The following AKR1A1 variants were observed in gnomAD, a reference collection of about 807,000 sequenced individuals.
AKR1A1 encodes the protein aldo-keto reductase family 1 member A1.
In AKR1A1, 26 loss-of-function variants were observed where a neutral mutation model predicts 39.2. That is an observed-to-expected ratio of 0.66 (90% CI 0.49 to 0.92). AKR1A1 has a LOEUF of 0.92. AKR1A1 is among the 40% of genes least tolerant of loss of function. The pLI is 0.00. For synonymous variants in AKR1A1, 141 were observed against 155.5 expected, an observed-to-expected ratio of 0.91 and a Z score of 0.69; for missense variants, 378 against 406.5, an observed-to-expected ratio of 0.93 and a Z score of 0.60.
chr1:45,561,254 A>G (rs1644273377), intron 1 of AKR1A1, among the ~76,000 whole-genome samples: 1 of 152,200 alleles, frequency 6.6e-6, no homozygotes, highest in Admixed American at 6.5e-5. Context: ...AGCCTGCCAC[A>G]GAGAAGGGCA....
intron 4 of AKR1A1, 102 bp from the exon 5 acceptor site, chr1:45,567,880 C>T (rs930354044): frequency 8.8e-6 from 10 of 1,135,234 alleles, no homozygotes; most frequent in Admixed American, 5.8e-5. Context: ...GGCCCTTTGT[C>T]CTCTCTGGGA....
intron 1 of AKR1A1, among the ~76,000 whole-genome samples, chr1:45,551,929 A>C (rs1396069624): frequency 6.6e-6 from 1 of 152,042 alleles, no homozygotes; most frequent in African/African-American, 2.4e-5. Flanking sequence ...TCAACCTGTC[A>C]AGATCTCTCC....
intron 2 of AKR1A1, among the ~76,000 whole-genome samples, chr1:45,564,738 T>A (rs1227698790): frequency 2.0e-5 from 3 of 151,956 alleles, no homozygotes; most frequent in Non-Finnish European, 4.4e-5. Context: ...CTATACTTCT[T>A]TTCTCTATTT....
intron 3 of AKR1A1, 30 bp downstream of exon 3, chr1:45,566,718 G>T: frequency 6.2e-7 from 1 of 1,612,116 alleles, no homozygotes; most frequent in East Asian, 2.2e-5. Flanking sequence ...ATAGAGGTGG[G>T]ATAAGAGAAC....
At chr1:45,568,233 G>T in intron 5 of AKR1A1, 56 bp downstream of exon 5, 1 of 1,540,624 alleles carries the variant, frequency 6.5e-7, no homozygotes, top group South Asian at 1.2e-5. Flanking sequence ...GAGCATGAGG[G>T]AGCAGACGAT....
At chr1:45,559,634 C>CTTTTT (rs71056306) in intron 1 of AKR1A1, among the ~76,000 whole-genome samples, 168 of 73,164 alleles carry the variant, frequency 2.3e-3, no homozygotes, top group Non-Finnish European at 2.9e-3. Context: ...CTTTTCTTTT[C>CTTTTT]TTTTTTTTTT....
intron 2 of AKR1A1, among the ~76,000 whole-genome samples, chr1:45,565,766 C>T (rs1012125599): frequency 5.3e-5 from 8 of 151,806 alleles, no homozygotes; most frequent in African/African-American, 9.7e-5. Context: ...TGAGCCACCA[C>T]GCCTGGCCTT....
At chr1:45,552,164 CATTT>C (rs1443628478) in intron 1 of AKR1A1, among the ~76,000 whole-genome samples, 1 of 151,444 alleles carries the variant, frequency 6.6e-6, no homozygotes, top group Admixed American at 6.6e-5. Flanking sequence ...AGTAGCCATC[CATTT>C]ATTTATTTAT....
intron 1 of AKR1A1, 110 bp from the exon 2 acceptor site, chr1:45,561,679 C>T: frequency 1.9e-6 from 2 of 1,045,812 alleles, no homozygotes; most frequent in Non-Finnish European, 2.9e-6. Context: ...GCTGGGATTA[C>T]AGGTGTGAGC....
intron 1 of AKR1A1, among the ~76,000 whole-genome samples, chr1:45,560,992 G>T (rs1644270618): frequency 6.6e-6 from 1 of 152,208 alleles, no homozygotes; most frequent in Admixed American, 6.5e-5. Context: ...CTCCCAAAGT[G>T]CTGGGATTAC....
intron 2 of AKR1A1, among the ~76,000 whole-genome samples, chr1:45,563,785 G>A (rs756577039): frequency 3.3e-5 from 5 of 152,096 alleles, no homozygotes; most frequent in African/African-American, 4.8e-5. Context: ...GCAAAACTGC[G>A]TCCCAAGAAA....
chr1:45,555,443 C>T (rs188854696), intron 1 of AKR1A1, among the ~76,000 whole-genome samples: 14 of 151,830 alleles, frequency 9.2e-5, no homozygotes, highest in Non-Finnish European at 1.3e-4. Flanking sequence ...GCCGACATTG[C>T]GCCGTTGCAT....
At chr1:45,559,629 CTTTTCTTTT>C (rs1309688760) in intron 1 of AKR1A1, among the ~76,000 whole-genome samples, 6 of 114,802 alleles carry the variant, frequency 5.2e-5, no homozygotes, top group Admixed American at 2.1e-4. Flanking sequence ...TTTCTCTTTT[CTTTTCTTTT>C]TTTTTTTTTT....
Position 45,567,975 on chromosome 1 carries a change from C to T in AKR1A1, c.357-7C>T, listed in dbSNP as rs907098347. 4 of 1,604,582 alleles carry T rather than the reference C, an allele frequency of 2.5e-6. No homozygotes were observed. The African/African-American group carries it at 4.0e-5, about 16-fold the overall frequency. On this transcript the variant is annotated splice_region_variant and splice_polypyrimidine_tract_variant and intron_variant, in intron 4 of 8. Coordinates refer to ENST00000351829, the MANE Select transcript of AKR1A1 (RefSeq NM_153326.3). ...GTCCACACTTGGTGGGGCTGTCTCT[C>T]ACTCAGGCGGGGAGACAACCCCTTC... is the stretch of plus-strand genomic sequence containing the variant.
intron 4 of AKR1A1, 189 bp from the exon 5 acceptor site, chr1:45,567,793 C>G (rs1644363000): frequency 9.5e-6 from 5 of 523,962 alleles, no homozygotes; most frequent in Admixed American, 6.6e-5. Context: ...TGCCACTGCA[C>G]TCCAGCCTGG....
chr1:45,556,636 T>C (rs1046211139), intron 1 of AKR1A1, among the ~76,000 whole-genome samples: 2 of 151,738 alleles, frequency 1.3e-5, no homozygotes, highest in Admixed American at 6.6e-5. Flanking sequence ...CCCAGCACTT[T>C]GGGAGGCCGA....
intron 2 of AKR1A1, among the ~76,000 whole-genome samples, chr1:45,563,853 A>G (rs927859213): frequency 3.3e-5 from 5 of 152,246 alleles, no homozygotes; most frequent in African/African-American, 9.6e-5. Flanking sequence ...TCTTAACTCA[A>G]GAACTGTTAA....
At chr1:45,557,910 G>GTTTTTTTT (rs1285024512) in intron 1 of AKR1A1, among the ~76,000 whole-genome samples, 2 of 64,234 alleles carry the variant, frequency 3.1e-5, no homozygotes, top group African/African-American at 1.4e-4. Flanking sequence ...CTCACAACTT[G>GTTTTTTTT]TCTTTTTTTT....
intron 1 of AKR1A1, among the ~76,000 whole-genome samples, chr1:45,553,884 A>G (rs1644166084): frequency 6.6e-6 from 1 of 151,950 alleles, no homozygotes; most frequent in Admixed American, 6.6e-5. Flanking sequence ...AGTCCCAGCT[A>G]CTCGGGAGGC....
Sources: gnomAD v4.1 joint callset for allele counts (sites outside exome capture counted in the v4.1 genomes callset) on GRCh38, gnomAD v4.1.1 for gene constraint, MANE v1.5 for transcripts, NCBI Gene and HGNC (gene_info 2026-07-23, HGNC 2026-07-21) for gene names.